Variants in ABCA3 observed in about 807,000 individuals in gnomAD.
ABCA3 encodes phospholipid-transporting ATPase ABCA3.
ABCA3 carries 88 observed loss-of-function variants against 172.8 expected under a neutral mutation model. The observed-to-expected ratio is 0.51, with a 90% CI of 0.43 to 0.61. The LOEUF (loss-of-function observed/expected upper bound fraction) is 0.61, where lower values mean the gene tolerates loss of function less well. Among genes scored for constraint, ABCA3 ranks in the 20% least tolerant of loss-of-function variants. The pLI, the probability that ABCA3 is intolerant of heterozygous loss-of-function variation, is 0.00. For synonymous variants in ABCA3, 1,066 were observed against 983.8 expected (o/e 1.08, Z -1.56); for missense variants, 2,164 against 2,301.0 (o/e 0.94, Z 1.22).
At chr16:2,299,371 G>A (rs1412990512) in intron 14 of ABCA3, 32 bp downstream of exon 14, 19 of 1,611,952 alleles carry the variant, frequency 1.2e-5, no homozygotes, top group African/African-American at 2.7e-5. Context: ...GGGGCCTGCT[G>A]GTGGCAGGGG....
rs1745980428 is a variant in ABCA3, at chr16:2,281,369, T to C, written c.4164+12A>G. ...CTGGCAGGAAGGACTCCACCCCAAA[T>C]TGCAAGGGTACCTTGGAGAGCTCCT... On this transcript the variant is annotated intron_variant, in intron 27 of 32. Coordinates refer to ENST00000301732, the MANE Select transcript of ABCA3 (RefSeq NM_001089.3). The surrounding 1 kb of genome is among the most constrained non-coding windows in gnomAD (Gnocchi z 4.7). 1.9e-6 allele frequency: 3 copies of C among 1,613,444 alleles called. No individual in the cohort carries two copies. Among genetic ancestry groups the C allele is most frequent in the Non-Finnish European group, 2.5e-6 (3 of 1,179,910 alleles).
At chr16:2,316,490 C>CAAAAAA (rs71148128) in intron 10 of ABCA3, among the ~76,000 whole-genome samples, 305 of 28,870 alleles carry the variant, frequency 0.011, 118 homozygotes, top group Non-Finnish European at 0.017. Flanking sequence ...ACTAAAAATG[C>CAAAAAA]AAAAAAAAAA....
intron 1 of ABCA3, among the ~76,000 whole-genome samples, chr16:2,338,076 G>C (rs949826393): frequency 2.0e-5 from 3 of 152,172 alleles, no homozygotes; most frequent in Non-Finnish European, 4.4e-5. Context: ...TGCCTCCCTA[G>C]GTGCAGGAAA....
chr16:2,304,547 C>G (rs138655246), intron 11 of ABCA3, among the ~76,000 whole-genome samples: 20 of 145,740 alleles, frequency 1.4e-4, no homozygotes, highest in African/African-American at 4.6e-4. Context: ...TGCTCTGTCG[C>G]CCAGGCAGGA....
At position 2,302,841 on chromosome 16, in the gene ABCA3, T is replaced by C. The variant is rs1235450458; in HGVS notation, c.1467+1128A>G. Reference sequence around the variant, plus strand: ...TCTCGCTCTGTCGCCCAGGTTGGAGTGCAATGGCACAGTCTCAGCTCACTG... The same window carrying C: ...TCTCGCTCTGTCGCCCAGGTTGGAGCGCAATGGCACAGTCTCAGCTCACTG... On this transcript the variant is annotated intron_variant, in intron 12 of 32. Coordinates refer to ENST00000301732, the MANE Select transcript of ABCA3 (RefSeq NM_001089.3). 2.0e-5 allele frequency among the ~76,000 whole-genome samples: 3 copies of C among 149,038 alleles called. No individual in the cohort carries two copies. The East Asian group carries it at 5.9e-4, about 30-fold the overall frequency.
rs757330610 is a variant in ABCA3, at chr16:2,299,433, C to T, written c.1711G>A (p.Gly571Arg). 20 of 1,613,678 alleles carry T rather than the reference C, an allele frequency of 1.2e-5. No homozygotes were observed. The Admixed American group carries it at 1.3e-4, about 11-fold the overall frequency. ...ITVLLGHNGA[G>R]KTTTLSMLTG... Reference sequence around the variant, plus strand: ...AGCATGGAGAGGGTGGTGGTCTTCCCGGCACCGTTGTGGCCCAGCAGGACG... The same window carrying T: ...AGCATGGAGAGGGTGGTGGTCTTCCTGGCACCGTTGTGGCCCAGCAGGACG... The change falls in exon 14 of 33, where the codon GGG becomes AGG. Residue 571 changes from glycine (G) to arginine (R), a missense_variant. Coordinates refer to ENST00000301732, the MANE Select transcript of ABCA3 (RefSeq NM_001089.3).
At chr16:2,321,824 C>A (rs1215349556) in intron 7 of ABCA3, among the ~76,000 whole-genome samples, 1 of 152,084 alleles carries the variant, frequency 6.6e-6, no homozygotes, top group Non-Finnish European at 1.5e-5. Context: ...GCTAAAAATG[C>A]CAGTAAGTCT....
intron 8 of ABCA3, 82 bp downstream of exon 8, chr16:2,319,499 A>T: frequency 6.7e-7 from 1 of 1,489,414 alleles, no homozygotes; most frequent in Non-Finnish European, 9.0e-7. Context: ...AAAAAAAAAT[A>T]CTAAAACACC....
At chr16:2,294,922 G>A (rs781100776) in intron 18 of ABCA3, among the ~76,000 whole-genome samples, 1 of 152,176 alleles carries the variant, frequency 6.6e-6, no homozygotes, top group Non-Finnish European at 1.5e-5. Context: ...GGCAGAGGTT[G>A]CAGTGAGCTG....
At chr16:2,314,259 C>T (rs927606232) in intron 10 of ABCA3, among the ~76,000 whole-genome samples, 1 of 76,296 alleles carries the variant, frequency 1.3e-5, no homozygotes, top group Non-Finnish European at 2.9e-5. Context: ...AAAATGTGGC[C>T]CCATCTACAT....
chr16:2,295,017 A>G (rs1893589638), intron 18 of ABCA3, among the ~76,000 whole-genome samples: 1 of 152,142 alleles, frequency 6.6e-6, no homozygotes, highest in African/African-American at 2.4e-5. Flanking sequence ...AATAAAATAA[A>G]TAAATGTAAA....
At chr16:2,328,818 CAATT>C in intron 2 of ABCA3, 61 bp from the exon 3 acceptor site, 1 of 206,274 alleles carries the variant, frequency 4.8e-6, no homozygotes, top group Non-Finnish European at 1.0e-5. Flanking sequence ...GAAAGGCAAA[CAATT>C]AGCGAGTCAT....
intron 1 of ABCA3, among the ~76,000 whole-genome samples, chr16:2,340,017 C>T (rs2093758030): frequency 6.6e-6 from 1 of 152,258 alleles, no homozygotes. Flanking sequence ...CAGCAAACGC[C>T]CGCCGCGGAC....
At chr16:2,288,001 G>A (rs763992927) in intron 21 of ABCA3, 25 bp downstream of exon 21, 12 of 1,598,456 alleles carry the variant, frequency 7.5e-6, no homozygotes, top group African/African-American at 5.3e-5. Flanking sequence ...CGATGCCCCC[G>A]TCCCGCCCCC....
At position 2,278,842 on chromosome 16, in the gene ABCA3, G is replaced by A; in HGVS notation, c.4547+101C>T. 2 of 1,531,794 alleles carry A rather than the reference G, an allele frequency of 1.3e-6. No homozygotes were observed. The highest frequency in any genetic ancestry group is 1.8e-6 in the Non-Finnish European group (2 of 1,116,160). 94.9% of individuals were successfully genotyped at this position (1,531,794 alleles called of 1,614,324 possible). A position where few individuals can be genotyped will look rare whatever the true frequency, so the allele number is the denominator to read the frequency against. On this transcript the variant is annotated intron_variant, in intron 29 of 32. Coordinates refer to ENST00000301732, the MANE Select transcript of ABCA3 (RefSeq NM_001089.3). This position sits in a 1 kb window ranked among gnomAD's most constrained non-coding sequence, Gnocchi z 4.4. ...CAGCTCCATCCTGGAGCCACAAGCA[G>A]GAGCTCTGGCTGCTGACCTGAGCGG...
intron 12 of ABCA3, among the ~76,000 whole-genome samples, chr16:2,302,428 T>A (rs2141713699): frequency 6.6e-6 from 1 of 152,236 alleles, no homozygotes; most frequent in East Asian, 1.9e-4. Context: ...GTATTTAAGA[T>A]ATCTGAGTTG....
intron 11 of ABCA3, among the ~76,000 whole-genome samples, chr16:2,304,465 A>C (rs2093694337): frequency 6.6e-6 from 1 of 151,604 alleles, no homozygotes; most frequent in East Asian, 1.9e-4. Context: ...GATTTCGGTA[A>C]GGCCAACGTG....
intron 10 of ABCA3, among the ~76,000 whole-genome samples, chr16:2,312,273 AATAACT>A (rs1456094838): frequency 2.0e-5 from 3 of 152,124 alleles, no homozygotes; most frequent in Non-Finnish European, 2.9e-5. Flanking sequence ...CCCGAGGGGG[AATAACT>A]ATAGTCTAGT....
At chr16:2,325,946 CCTGCCTGCCCAGCCGCG>C in intron 5 of ABCA3, 47 bp downstream of exon 5, 1 of 1,605,460 alleles carries the variant, frequency 6.2e-7, no homozygotes, top group Non-Finnish European at 8.5e-7. Context: ...GGGCTCGACC[CCTGCCTGCCCAGCCGCG>C]TGGAGGCACC....
Sources: gnomAD v4.1 joint callset for allele counts (sites outside exome capture counted in the v4.1 genomes callset) on GRCh38, gnomAD v4.1.1 for gene constraint, Gnocchi (gnomAD v3.1) non-coding constraint, MANE v1.5 for transcripts, NCBI Gene and HGNC (gene_info 2026-07-23, HGNC 2026-07-21) for gene names.